Variants in CCL28 observed in about 807,000 individuals in gnomAD.
The protein encoded by CCL28 is C-C motif chemokine ligand 28, also known as C-C motif chemokine 28.
A neutral mutation model predicts 7.1 loss-of-function variants in CCL28; 4 were observed. The observed-to-expected ratio is 0.56, with a 90% CI of 0.28 to 1.29. CCL28 has a LOEUF of 1.29. Among genes scored for constraint, CCL28 ranks in the 50% most tolerant of loss-of-function variants. The pLI is 0.11. For synonymous variants in CCL28, 55 were observed against 57.8 expected, an observed-to-expected ratio of 0.95 and a Z score of 0.22; for missense variants, 151 against 163.4, an observed-to-expected ratio of 0.92 and a Z score of 0.41.
intron 1 of CCL28, among the ~76,000 whole-genome samples, chr5:43,403,270 C>T (rs865895094): frequency 6.6e-6 from 1 of 152,168 alleles, no homozygotes; most frequent in Non-Finnish European, 1.5e-5. Context: ...CAGTAGGGGC[C>T]GACTGACACC....
chr5:43,407,395 G>T (rs950632158), intron 1 of CCL28, among the ~76,000 whole-genome samples: 1 of 152,206 alleles, frequency 6.6e-6, no homozygotes, highest in Non-Finnish European at 1.5e-5. Flanking sequence ...AATGGGGAAA[G>T]GATTCCCTAT....
chr5:43,391,145 G>A (rs1287158943), intron 1 of CCL28, among the ~76,000 whole-genome samples: 1 of 152,160 alleles, frequency 6.6e-6, no homozygotes, highest in East Asian at 1.9e-4. Context: ...ACACTGAAAG[G>A]CAGAAGCGAT....
At chr5:43,395,825 G>A (rs1740775243) in intron 1 of CCL28, among the ~76,000 whole-genome samples, 1 of 150,974 alleles carries the variant, frequency 6.6e-6, no homozygotes, top group South Asian at 2.1e-4. Flanking sequence ...TGCTAAACAA[G>A]GAGTGGACTA....
At chr5:43,392,134 T>G (rs1163875278) in intron 1 of CCL28, among the ~76,000 whole-genome samples, 1 of 152,178 alleles carries the variant, frequency 6.6e-6, no homozygotes, top group Non-Finnish European at 1.5e-5. Context: ...TATTTATTTT[T>G]CAGATGGAAT....
chr5:43,383,672 C>CAAAA (rs767666543), intron 2 of CCL28, among the ~76,000 whole-genome samples: 12 of 152,110 alleles, frequency 7.9e-5, no homozygotes, highest in South Asian at 2.1e-4. Flanking sequence ...GCGTAGGAAA[C>CAAAA]AAAAACAAAC....
At chr5:43,382,660 G>A (rs191080457) in intron 2 of CCL28, among the ~76,000 whole-genome samples, 28 of 152,176 alleles carry the variant, frequency 1.8e-4, no homozygotes, top group Admixed American at 2.6e-4. Context: ...TCTTGAAAAC[G>A]CCTTATTCAA....
chr5:43,365,321 A>T, the CCL28 span, among the ~76,000 whole-genome samples: 5 of 151,928 alleles, frequency 3.3e-5, no homozygotes, highest in African/African-American at 1.2e-4. Flanking sequence ...TCTTTATCCA[A>T]TTTGCCAGTC....
intron 1 of CCL28, among the ~76,000 whole-genome samples, chr5:43,407,392 A>G (rs1026216030): frequency 5.3e-5 from 8 of 152,226 alleles, no homozygotes; most frequent in African/African-American, 1.4e-4. Context: ...AGAAATGGGG[A>G]AAGGATTCCC....
the CCL28 span, among the ~76,000 whole-genome samples, chr5:43,364,757 A>G: frequency 1.2e-4 from 18 of 152,100 alleles, no homozygotes; most frequent in Non-Finnish European, 2.1e-4. Context: ...GGGTGCATAT[A>G]TATTTAGGAT....
Position 43,412,333 on chromosome 5 carries a change from G to C in CCL28, c.-17C>G, listed in dbSNP as rs534472798. ...CTGCTGCATTCCTGCCTGCCCTACT[G>C]GCACTGACAGCAACACAAGTGAGGC... On this transcript the variant is annotated 5_prime_UTR_variant, in exon 1 of 3. Transcript: ENST00000361115. 2 of 1,609,336 alleles carry C rather than the reference G, an allele frequency of 1.2e-6. 1 individual carries two copies. The highest frequency in any genetic ancestry group is 2.7e-5 in the African/African-American group (2 of 74,996).
At chr5:43,399,564 G>A (rs1408970752) in intron 1 of CCL28, among the ~76,000 whole-genome samples, 2 of 152,136 alleles carry the variant, frequency 1.3e-5, no homozygotes, top group East Asian at 1.9e-4. Context: ...ACTAAGCTCC[G>A]ATCTTATCAG....
intron 1 of CCL28, among the ~76,000 whole-genome samples, chr5:43,398,342 G>C (rs961044500): frequency 6.6e-6 from 1 of 152,030 alleles, no homozygotes; most frequent in Non-Finnish European, 1.5e-5. Context: ...TCTTGCCTCA[G>C]CCTCCCGTGT....
chr5:43,359,967 C>A, the CCL28 span, among the ~76,000 whole-genome samples: 3 of 151,996 alleles, frequency 2.0e-5, no homozygotes, highest in Non-Finnish European at 4.4e-5. Context: ...AGTCCCCTGC[C>A]CACCAAATTA....
rs146581412 is a variant in CCL28 at position 43,400,518 on chromosome 5, G to A, written c.64+11735C>T. 1.9e-3 allele frequency among the ~76,000 whole-genome samples: 280 copies of A among 149,806 alleles called. 3 individuals carry two copies. Among genetic ancestry groups the A allele is most frequent in the African/African-American group, 6.9e-3 (270 of 39,298 alleles). ...GTTTTCAGGAAAGGATCTTGCTATT[G>A]TAGAGACGTGAACAGCTTCCTCTTA... On this transcript the variant is annotated intron_variant, in intron 1 of 2. Transcript: ENST00000361115.
chr5:43,401,427 A>G (rs1741035443), intron 1 of CCL28, among the ~76,000 whole-genome samples: 2 of 152,248 alleles, frequency 1.3e-5, no homozygotes, highest in Non-Finnish European at 2.9e-5. Context: ...ATTGTGTGCC[A>G]TAAAAACATC....
rs780626483 is a variant in CCL28, at chr5:43,381,718, C to T, written c.*142G>A. The T allele has an allele frequency of 4.4e-5, 30 of 688,854 alleles. No homozygotes were observed. The highest frequency in any genetic ancestry group is 1.1e-4 in the African/African-American group (6 of 55,726). The allele number at this position is 688,854 out of a possible 1,614,324, so 42.7% of individuals were successfully genotyped here. A position where few individuals can be genotyped will look rare whatever the true frequency, so the allele number is the denominator to read the frequency against. ...TATATTATTGGCTACATTTGCATACCGCACAATTGTTCATTTTTTAAAAAC... is the reference window on the plus strand; with the variant it reads ...TATATTATTGGCTACATTTGCATACTGCACAATTGTTCATTTTTTAAAAAC... On this transcript the variant is annotated 3_prime_UTR_variant, in exon 3 of 3. Transcript: ENST00000361115.
chr5:43,411,992 G>A (rs28529669), intron 1 of CCL28, among the ~76,000 whole-genome samples: 5,196 of 152,286 alleles, frequency 0.034, 259 homozygotes, highest in African/African-American at 0.12. Context: ...AACATAGCTC[G>A]AAGTTGTACC....
At chr5:43,365,968 T>G in the CCL28 span, among the ~76,000 whole-genome samples, 5 of 152,234 alleles carry the variant, frequency 3.3e-5, no homozygotes, top group Admixed American at 1.3e-4. Context: ...TATTGATACT[T>G]GTGTATATTT....
At chr5:43,395,895 T>G (rs1209513416) in intron 1 of CCL28, among the ~76,000 whole-genome samples, 1 of 126,202 alleles carries the variant, frequency 7.9e-6, no homozygotes, top group Non-Finnish European at 1.6e-5. Context: ...GGAGTATCGC[T>G]CTGTATCGCT....
Sources: gnomAD v4.1 joint callset for allele counts (sites outside exome capture counted in the v4.1 genomes callset) on GRCh38, gnomAD v4.1.1 for gene constraint, MANE v1.5 for transcripts, NCBI Gene and HGNC (gene_info 2026-07-23, HGNC 2026-07-21) for gene names.